HERC5: variants seen among roughly 807,000 people sequenced by gnomAD.
The protein encoded by HERC5 is HECT and RLD domain containing E3 ubiquitin protein ligase 5.
Under a neutral mutation model 119.6 loss-of-function variants are expected in HERC5, and 99 were observed. That is an observed-to-expected ratio of 0.83 (90% CI 0.70 to 0.98). The LOEUF (loss-of-function observed/expected upper bound fraction) is 0.98. Among genes scored for constraint, HERC5 ranks in the 50% least tolerant of loss-of-function variants. The pLI, the probability that HERC5 is intolerant of heterozygous loss-of-function variation, is 0.00. For synonymous variants in HERC5, 478 were observed against 445.9 expected, an observed-to-expected ratio of 1.07 and a Z score of -0.91; for missense variants, 1,267 against 1,241.3, an observed-to-expected ratio of 1.02 and a Z score of -0.31.
intron 19 of HERC5, among the ~76,000 whole-genome samples, chr4:88,500,562 G>A (rs912064390): frequency 6.6e-6 from 1 of 152,230 alleles, no homozygotes; most frequent in Non-Finnish European, 1.5e-5. Flanking sequence ...GTGTTGCAAA[G>A]CCACTAGGCA....
At chr4:88,479,302 A>T in intron 12 of HERC5, 51 bp from the exon 13 acceptor site, 2 of 1,392,772 alleles carry the variant, frequency 1.4e-6, no homozygotes, top group Non-Finnish European at 1.9e-6. Flanking sequence ...AAAAAAAAAA[A>T]GCACAATAAA....
intron 20 of HERC5, among the ~76,000 whole-genome samples, chr4:88,503,513 T>A (rs571718046): frequency 6.6e-6 from 1 of 152,230 alleles, no homozygotes; most frequent in Non-Finnish European, 1.5e-5. Context: ...CATGTGGATA[T>A]GAGTGTTTCT....
chr4:88,489,371 T>G, intron 16 of HERC5, 35 bp downstream of exon 16: 1 of 1,543,240 alleles, frequency 6.5e-7, no homozygotes, highest in Non-Finnish European at 8.8e-7. Flanking sequence ...TTTTTGCTGC[T>G]GAGAAAAGAA....
chr4:88,467,999 A>C (rs930238398), intron 7 of HERC5: 11 of 448,594 alleles, frequency 2.5e-5, no homozygotes, highest in South Asian at 9.3e-5. Context: ...CTTTATAGCC[A>C]GCAGTCATTG....
rs1207149925 is a variant in HERC5, at chr4:88,482,827, C to T, written c.1738-3288C>T. ...TGTATTTTTTGTAGAGACGAGGTTTCACCATGTTGGCCAGGCTGGTCTTGA... is the reference window on the plus strand; with the variant it reads ...TGTATTTTTTGTAGAGACGAGGTTTTACCATGTTGGCCAGGCTGGTCTTGA... On this transcript the variant is annotated intron_variant, in intron 13 of 22. Coordinates refer to ENST00000264350, the MANE Select transcript of HERC5 (RefSeq NM_016323.4). Among the ~76,000 whole-genome samples, 4 of 152,170 alleles carry T rather than the reference C, an allele frequency of 2.6e-5. No homozygotes were observed. In the East Asian group the frequency reaches 7.7e-4, roughly 29 times the overall value.
intron 9 of HERC5, among the ~76,000 whole-genome samples, chr4:88,469,612 G>A (rs958511348): frequency 6.6e-6 from 1 of 152,128 alleles, no homozygotes; most frequent in Admixed American, 6.5e-5. Context: ...TCTTCTTTGG[G>A]TGACCTCAGC....
chr4:88,503,254 T>A (rs1741999689), intron 20 of HERC5, among the ~76,000 whole-genome samples: 1 of 152,168 alleles, frequency 6.6e-6, no homozygotes, highest in Non-Finnish European at 1.5e-5. Flanking sequence ...ATAGATCAAT[T>A]TTTTGAAAAA....
intron 17 of HERC5, among the ~76,000 whole-genome samples, chr4:88,493,688 C>T (rs2149105507): frequency 6.6e-6 from 1 of 152,168 alleles, no homozygotes; most frequent in South Asian, 2.1e-4. Flanking sequence ...CTCACTGCAA[C>T]CTCCGCCTCC....
chr4:88,475,474 A>G (rs1423505531), intron 11 of HERC5, among the ~76,000 whole-genome samples: 3 of 151,516 alleles, frequency 2.0e-5, no homozygotes, highest in Non-Finnish European at 4.4e-5. Flanking sequence ...ACGCACCGTC[A>G]CGCCCAGCTA....
At chr4:88,503,804 C>T (rs368075332) in intron 20 of HERC5, among the ~76,000 whole-genome samples, 19 of 152,096 alleles carry the variant, frequency 1.2e-4, no homozygotes, top group Non-Finnish European at 2.6e-4. Context: ...CGGTGGCTAA[C>T]GTCTGTAATC....
intron 10 of HERC5, 107 bp from the exon 11 acceptor site, chr4:88,472,302 A>G (rs1450273218): frequency 5.8e-6 from 4 of 689,464 alleles, no homozygotes; most frequent in Non-Finnish European, 1.0e-5. Flanking sequence ...TTATAGTTAC[A>G]CACTTGAGAA....
rs371365692 is a variant in HERC5 at position 88,479,430 on chromosome 4, T to C, written c.1660T>C (p.Leu554=). ...GTTTAAAACAGCCGTCATATGCCAGTTGGATTACTGGGATGAAAGTGCTGA... is the reference window on the plus strand; with the variant it reads ...GTTTAAAACAGCCGTCATATGCCAGCTGGATTACTGGGATGAAAGTGCTGA... The part of the protein sequence containing the change: ...QMFKTAVICQ[L]DYWDESAEEN... Residue 554 remains leucine (L), a synonymous_variant, in exon 13 of 23, where the codon TTG becomes CTG. Coordinates refer to ENST00000264350, the MANE Select transcript of HERC5 (RefSeq NM_016323.4). 6.2e-7 allele frequency: 1 copy of C among 1,613,136 alleles called. No individual in the cohort carries two copies. Among genetic ancestry groups the C allele is most frequent in the Admixed American group, 1.7e-5 (1 of 59,850 alleles).
chr4:88,475,273 A>G (rs1178320086), intron 11 of HERC5, among the ~76,000 whole-genome samples: 1 of 145,140 alleles, frequency 6.9e-6, no homozygotes, highest in Non-Finnish European at 1.5e-5. Flanking sequence ...TTCTGAATCT[A>G]TTGTTCATTG....
At chr4:88,464,294 A>G (rs1034329032) in intron 6 of HERC5, among the ~76,000 whole-genome samples, 1 of 147,390 alleles carries the variant, frequency 6.8e-6, no homozygotes, top group Non-Finnish European at 1.5e-5. Flanking sequence ...TTAATTGTTT[A>G]TTTGGGAAAA....
At chr4:88,461,964 A>G (rs1740458153) in intron 3 of HERC5, among the ~76,000 whole-genome samples, 171 bp from the exon 4 acceptor site, 1 of 152,308 alleles carries the variant, frequency 6.6e-6, no homozygotes, top group African/African-American at 2.4e-5. Flanking sequence ...TGTCACTGCT[A>G]AAGAGAAGAT....
Position 88,493,077 on chromosome 4 carries a change from G to A in HERC5, c.2199G>A (p.Leu733=), listed in dbSNP as rs761984324. The change falls in exon 17 of 23, where the codon CTG becomes CTA. Residue 733 remains leucine, a synonymous_variant. Coordinates refer to ENST00000264350, the MANE Select transcript of HERC5 (RefSeq NM_016323.4). The part of the protein sequence containing the change: ...GGVKKEFFYC[L]FAEMIQPEYG... ...TCAAGAAAGAGTTCTTCTACTGTCT[G>A]TTTGCAGAGATGATCCAGCCGGAAT... The A allele has an allele frequency of 3.1e-6, 5 of 1,614,074 alleles. No individual in the cohort carries two copies. The African/African-American group carries it at 5.3e-5, about 17-fold the overall frequency.
In HERC5 at chr4:88,504,372, T is replaced by A; in HGVS notation, c.2723T>A (p.Val908Glu). 1 of 1,611,046 alleles carries A rather than the reference T, an allele frequency of 6.2e-7. No individual in the cohort carries two copies. Among genetic ancestry groups the A allele is most frequent in the South Asian group, 1.1e-5 (1 of 90,692 alleles). ...TTCCACCCCGAAGAACTGAAGGATG[T>A]GATTGTTGGAAATACAGATTATGAT... is the stretch of plus-strand genomic sequence containing the variant. ...KLFHPEELKD[V>E]IVGNTDYDWK... is the part of the protein sequence containing the mutation. Residue 908 changes from valine (V) to glutamate (E), a missense_variant, in exon 21 of 23, where the codon GTG becomes GAG. This residue lies in a region of HERC5 where 473 missense variants were observed against 445.7 expected (regional missense o/e 1.06). Transcript: ENST00000264350.
rs1740170865 is a variant in HERC5, at chr4:88,457,159, C to G, written c.-111C>G. On this transcript the variant is annotated 5_prime_UTR_variant, in exon 1 of 23. Coordinates refer to ENST00000264350, the MANE Select transcript of HERC5 (RefSeq NM_016323.4). ...GGTTCCCCGACGCCACGCAGCTGCG[C>G]GCAGCTGGTTCCCGCTCTGCAGCGC... is the stretch of plus-strand genomic sequence containing the variant. The G allele has an allele frequency of 6.5e-6, 8 of 1,234,048 alleles. No homozygotes were observed. The highest frequency in any genetic ancestry group is 8.1e-6 in the Non-Finnish European group (8 of 988,488). The allele number at this position is 1,234,048 out of a possible 1,614,324, so 76.4% of individuals were successfully genotyped here.
chr4:88,457,135 G>T lies in HERC5; in HGVS notation c.-135G>T, dbSNP rs967401449. 7 of 1,232,042 alleles carry T rather than the reference G, an allele frequency of 5.7e-6. No homozygotes were observed. The African/African-American group carries it at 1.1e-4, about 19-fold the overall frequency. 76.3% of individuals were successfully genotyped at this position (1,232,042 alleles called of 1,614,324 possible). A position where few individuals can be genotyped will look rare whatever the true frequency, so the allele number is the denominator to read the frequency against. On this transcript the variant is annotated 5_prime_UTR_variant, in exon 1 of 23. Transcript: ENST00000264350. ...CAGGGGCTCAGTAGCTGAGGCTGCG[G>T]TTCCCCGACGCCACGCAGCTGCGCG...
Sources: allele counts gnomAD v4.1 joint callset (sites outside exome capture counted in the v4.1 genomes callset), GRCh38; gene constraint gnomAD v4.1.1; regional missense constraint gnomAD v4.1.1; transcripts MANE v1.5; gene names NCBI Gene and HGNC (gene_info 2026-07-23, HGNC 2026-07-21).